MGST1: variants seen among roughly 807,000 people sequenced by gnomAD.
MGST1 encodes the protein glutathione S-transferase 12.
A neutral mutation model predicts 8.9 loss-of-function variants in MGST1; 5 were observed. The ratio of observed to expected loss-of-function variants is 0.56; its 90% CI spans 0.29 to 1.19. The LOEUF (loss-of-function observed/expected upper bound fraction) is 1.19, where lower values mean the gene tolerates loss of function less well. Among genes scored for constraint, MGST1 ranks in the 50% most tolerant of loss-of-function variants. MGST1 has a pLI of 0.08. For synonymous variants in MGST1, 54 were observed against 67.8 expected (o/e 0.80, Z 1.00); for missense variants, 182 against 187.4 (o/e 0.97, Z 0.17).
At chr12:16,440,285 G>A (rs957227356), downstream of MGST1, among the ~76,000 whole-genome samples, 16 of 151,444 alleles carry the variant, frequency 1.1e-4, no homozygotes, top group African/African-American at 3.2e-4. Flanking sequence ...ACAGTAAAGC[G>A]TATAAACCTT....
At chr12:16,477,747 A>G (rs546459855) in intron 4 of MGST1, among the ~76,000 whole-genome samples, 3 of 152,226 alleles carry the variant, frequency 2.0e-5, no homozygotes, top group Admixed American at 2.0e-4. Flanking sequence ...AGCTCCTTCT[A>G]CAGTAGGTTA....
At chr12:16,531,637 A>G (rs1205757096) in intron 4 of MGST1, among the ~76,000 whole-genome samples, 6 of 152,130 alleles carry the variant, frequency 3.9e-5, no homozygotes, top group Non-Finnish European at 1.5e-5. Flanking sequence ...CTACTAAATG[A>G]AACAAAAGGA....
At chr12:16,542,366 A>G (rs1247206110) in intron 4 of MGST1, among the ~76,000 whole-genome samples, 2 of 152,196 alleles carry the variant, frequency 1.3e-5, no homozygotes, top group African/African-American at 2.4e-5. Context: ...TTTATGTCAT[A>G]TTTGTCCTTA....
chr12:16,387,652 G>A (rs1023083581), intron 1 of MGST1, among the ~76,000 whole-genome samples: 2 of 151,326 alleles, frequency 1.3e-5, no homozygotes, highest in African/African-American at 2.4e-5. Flanking sequence ...TCAGCCTCCC[G>A]AGTAGCTGGG....
intron 1 of MGST1, among the ~76,000 whole-genome samples, chr12:16,352,576 G>C (rs552192234): frequency 4.3e-4 from 65 of 152,262 alleles, no homozygotes; most frequent in African/African-American, 1.5e-3. Context: ...CAGAGGACTG[G>C]AAATGTACAT....
downstream of MGST1, among the ~76,000 whole-genome samples, chr12:16,442,197 G>A (rs1045850178): frequency 1.3e-5 from 2 of 151,440 alleles, no homozygotes; most frequent in Non-Finnish European, 1.5e-5. This position sits in a 1 kb window ranked among gnomAD's most constrained non-coding sequence, Gnocchi z 4.5. Context: ...AGTTTTCTTT[G>A]TATCTTTCGT....
At chr12:16,394,380 TTCTTTTTC>T (rs1008193197) in intron 1 of MGST1, among the ~76,000 whole-genome samples, 1 of 149,908 alleles carries the variant, frequency 6.7e-6, no homozygotes, top group African/African-American at 2.5e-5. Context: ...TTCTTTCTCT[TTCTTTTTC>T]TTTCTCTCTC....
At chr12:16,440,512 A>G (rs1941029919), downstream of MGST1, among the ~76,000 whole-genome samples, 3 of 151,732 alleles carry the variant, frequency 2.0e-5, no homozygotes, top group African/African-American at 7.3e-5. Flanking sequence ...GATAGCATTT[A>G]CTGTTTTTTG....
chr12:16,493,633 TCTTA>T (rs1281713658), intron 4 of MGST1, among the ~76,000 whole-genome samples: 2 of 152,142 alleles, frequency 1.3e-5, no homozygotes, highest in Non-Finnish European at 2.9e-5. Context: ...TAAGAAGTGT[TCTTA>T]CTTGACCATA....
intron 1 of MGST1, among the ~76,000 whole-genome samples, chr12:16,353,940 A>G (rs1939593129): frequency 6.6e-6 from 1 of 151,780 alleles, no homozygotes; most frequent in Non-Finnish European, 1.5e-5. Flanking sequence ...TTGTATTTTT[A>G]GTAGAGATGG....
intron 4 of MGST1, among the ~76,000 whole-genome samples, chr12:16,580,796 A>T (rs1242877087): frequency 6.6e-6 from 1 of 152,148 alleles, no homozygotes; most frequent in African/African-American, 2.4e-5. Flanking sequence ...GCTAATCTCT[A>T]TTGTTAAATT....
intron 4 of MGST1, among the ~76,000 whole-genome samples, chr12:16,498,997 A>G (rs1941487779): frequency 6.6e-6 from 1 of 152,206 alleles, no homozygotes; most frequent in African/African-American, 2.4e-5. Context: ...ATATGTCTCA[A>G]TAGTATTTCT....
chr12:16,404,264 CT>C (rs1940682524), intron 1 of MGST1, among the ~76,000 whole-genome samples: 2 of 152,066 alleles, frequency 1.3e-5, no homozygotes, highest in Admixed American at 1.3e-4. Flanking sequence ...CATTAGCTTC[CT>C]TTTAGTTAGA....
chr12:16,567,942 T>C (rs1248147704), intron 4 of MGST1, among the ~76,000 whole-genome samples: 1 of 152,138 alleles, frequency 6.6e-6, no homozygotes, highest in Non-Finnish European at 1.5e-5. Flanking sequence ...ATCTGACCCA[T>C]TTTAACAACA....
rs1940656297 is a variant in MGST1, at chr12:16,401,627, G to A, written n.778+18023G>A. 8.9e-6 allele frequency: 14 copies of A among 1,577,734 alleles called. No individual in the cohort carries two copies. Among genetic ancestry groups the A allele is most frequent in the Middle Eastern group, 1.7e-4 (1 of 6,006 alleles). ...CACAAGTGATAGCCCCAAAATACAT[G>A]TGATTCTTGTCACTCACCACACTGA... On this transcript the variant is annotated intron_variant and non_coding_transcript_variant, in intron 1 of 1. Transcript: ENST00000359720. The surrounding 1 kb of genome is among the most constrained non-coding windows in gnomAD (Gnocchi z 4.3).
chr12:16,434,294 C>G (rs1196257257), intron 1 of MGST1, among the ~76,000 whole-genome samples: 1 of 152,028 alleles, frequency 6.6e-6, no homozygotes, highest in African/African-American at 2.4e-5. Flanking sequence ...ATGAATGGTG[C>G]TAGAAAGTAC....
chr12:16,384,517 C>A (rs1056376442), intron 1 of MGST1, among the ~76,000 whole-genome samples: 2 of 152,132 alleles, frequency 1.3e-5, no homozygotes, highest in Non-Finnish European at 2.9e-5. Flanking sequence ...AGGAGAGAGG[C>A]AAGGAACAGA....
intron 3 of MGST1, among the ~76,000 whole-genome samples, chr12:16,372,945 T>C (rs544516330): frequency 9.5e-4 from 140 of 146,964 alleles, no homozygotes; most frequent in Middle Eastern, 3.6e-3. Context: ...TTTTATATTA[T>C]ATATTACATA....
rs181906511 is a variant in MGST1, at chr12:16,432,840, C to T, written n.779-4548C>T. ...AGGAGTTCACTCACACAATTATGGA[C>T]GCTGACAAGACCAAAGAGCTGAAGG... On this transcript the variant is annotated intron_variant and non_coding_transcript_variant, in intron 1 of 1. Coordinates refer to the MGST1 transcript ENST00000359720. Among the ~76,000 whole-genome samples the T allele has an allele frequency of 4.1e-4, 63 of 151,958 alleles. 1 individual carries two copies. The highest frequency in any genetic ancestry group is 1.4e-3 in the African/African-American group (59 of 41,484).
Sources: gnomAD v4.1 joint callset for allele counts (sites outside exome capture counted in the v4.1 genomes callset) on GRCh38, gnomAD v4.1.1 for gene constraint, Gnocchi (gnomAD v3.1) non-coding constraint, MANE v1.5 for transcripts, NCBI Gene and HGNC (gene_info 2026-07-23, HGNC 2026-07-21) for gene names.